TLN2: variants seen among roughly 807,000 people sequenced by gnomAD.
TLN2 encodes talin-2.
Under a neutral mutation model 294.7 loss-of-function variants are expected in TLN2, and 118 were observed. The ratio of observed to expected loss-of-function variants is 0.40; its 90% confidence interval spans 0.34 to 0.47. The LOEUF (loss-of-function observed/expected upper bound fraction) is 0.47, where lower values mean the gene tolerates loss of function less well. TLN2 is among the 20% of genes least tolerant of loss of function. The pLI, the probability that TLN2 is intolerant of heterozygous loss-of-function variation, is 0.84. For synonymous variants in TLN2, 1,431 were observed against 1,304.5 expected (o/e 1.10, Z -2.09); for missense variants, 3,083 against 3,282.2 (o/e 0.94, Z 1.48).
intron 32 of TLN2, among the ~76,000 whole-genome samples, chr15:62,745,850 C>T (rs1275358959): frequency 3.3e-5 from 5 of 152,254 alleles, no homozygotes; most frequent in East Asian, 1.9e-4. Context: ...CATGTAATCC[C>T]GACTGTAAAA....
At chr15:62,491,326 C>CAA (rs775626928) in intron 1 of TLN2, among the ~76,000 whole-genome samples, 9,563 of 96,942 alleles carry the variant, frequency 0.099, 426 homozygotes, top group East Asian at 0.15. Flanking sequence ...GACTCTGTCT[C>CAA]AAAAAAAAAA....
chr15:62,711,419 G>T (rs892507883), intron 21 of TLN2, among the ~76,000 whole-genome samples: 1 of 152,148 alleles, frequency 6.6e-6, no homozygotes, highest in Non-Finnish European at 1.5e-5. Context: ...AAGGCCAAAT[G>T]GCACACATTG....
At chr15:62,565,403 G>C (rs968505776) in intron 1 of TLN2, among the ~76,000 whole-genome samples, 4 of 152,082 alleles carry the variant, frequency 2.6e-5, no homozygotes, top group African/African-American at 9.7e-5. Flanking sequence ...TCTGAAATAT[G>C]ATCTATGACA....
intron 1 of TLN2, among the ~76,000 whole-genome samples, chr15:62,437,981 T>C (rs1235678751): frequency 1.3e-5 from 2 of 152,194 alleles, no homozygotes; most frequent in Non-Finnish European, 2.9e-5. Flanking sequence ...CCATCCCCTT[T>C]CCCACTCTCG....
chr15:62,827,178 G>A (rs940833586), intron 54 of TLN2, among the ~76,000 whole-genome samples: 2 of 152,152 alleles, frequency 1.3e-5, no homozygotes, highest in African/African-American at 4.8e-5. Flanking sequence ...GGGTTGCAGG[G>A]CATAAGAAAA....
intron 1 of TLN2, among the ~76,000 whole-genome samples, chr15:62,431,507 G>A (rs2035010369): frequency 1.3e-5 from 2 of 152,174 alleles, no homozygotes; most frequent in Admixed American, 6.5e-5. Context: ...AACAGGTAAC[G>A]GTAAATGTGA....
intron 1 of TLN2, among the ~76,000 whole-genome samples, chr15:62,397,999 C>A (rs2032696301): frequency 6.6e-6 from 1 of 152,178 alleles, no homozygotes; most frequent in African/African-American, 2.4e-5. Flanking sequence ...TTTAGAGGAA[C>A]TAGCTACCTC....
At chr15:62,834,263 A>G (rs7166956) in intron 55 of TLN2, 134,059 of 152,238 alleles carry the variant, frequency 0.88, 60,659 homozygotes, top group East Asian at 1. Flanking sequence ...CATGTTCCAT[A>G]TGTCTTGTTA....
At chr15:62,772,448 C>T (rs763002229) in intron 42 of TLN2, among the ~76,000 whole-genome samples, 5 of 152,002 alleles carry the variant, frequency 3.3e-5, no homozygotes, top group African/African-American at 9.7e-5. Context: ...CTTTTGACTG[C>T]GATGGAGAAA....
At chr15:62,622,905 C>G (rs1295092635) in intron 3 of TLN2, among the ~76,000 whole-genome samples, 2 of 152,296 alleles carry the variant, frequency 1.3e-5, no homozygotes, top group East Asian at 3.9e-4. Context: ...ACATAACATC[C>G]ATCACTGCCC....
intron 1 of TLN2, among the ~76,000 whole-genome samples, chr15:62,404,172 T>C (rs1172302190): frequency 6.6e-6 from 1 of 152,112 alleles, no homozygotes; most frequent in African/African-American, 2.4e-5. Flanking sequence ...TGTTGAGAGT[T>C]AGGGGTTCAA....
At chr15:62,636,319 G>A (rs962234585) in intron 3 of TLN2, among the ~76,000 whole-genome samples, 18 of 151,950 alleles carry the variant, frequency 1.2e-4, no homozygotes, top group African/African-American at 4.1e-4. Flanking sequence ...GGTATAAAAT[G>A]GGGGTGACCT....
chr15:62,821,728 G>A (rs2067586548), intron 54 of TLN2, among the ~76,000 whole-genome samples: 2 of 152,128 alleles, frequency 1.3e-5, no homozygotes, highest in African/African-American at 4.8e-5. Context: ...GGTTTACCAG[G>A]GCTCTCTCTG....
chr15:62,644,365 C>A (rs1004522131), intron 3 of TLN2, among the ~76,000 whole-genome samples: 1 of 152,084 alleles, frequency 6.6e-6, no homozygotes, highest in African/African-American at 2.4e-5. Context: ...TCTCGTCTGC[C>A]AATTCAGAAT....
At chr15:62,486,196 C>G (rs990454321) in intron 1 of TLN2, among the ~76,000 whole-genome samples, 13 of 152,262 alleles carry the variant, frequency 8.5e-5, no homozygotes, top group Admixed American at 7.8e-4. Context: ...CAAGGACATT[C>G]CTTTTCTTCT....
chr15:62,448,416 G>C (rs543137943), intron 1 of TLN2, among the ~76,000 whole-genome samples: 2 of 152,228 alleles, frequency 1.3e-5, no homozygotes, highest in Non-Finnish European at 2.9e-5. Context: ...AGTTAGGCTT[G>C]TACTGGGCAG....
At chr15:62,451,016 C>T (rs1475834041) in intron 1 of TLN2, among the ~76,000 whole-genome samples, 1 of 150,892 alleles carries the variant, frequency 6.6e-6, no homozygotes, top group African/African-American at 2.5e-5. Context: ...TGCTATGTTG[C>T]CCAGGCTGGT....
At chr15:62,775,434 A>C (rs565346999) in intron 42 of TLN2, among the ~76,000 whole-genome samples, 1 of 152,170 alleles carries the variant, frequency 6.6e-6, no homozygotes, top group African/African-American at 2.4e-5. Context: ...TCAGCTATCA[A>C]CCCAAATTAC....
In TLN2 at chr15:62,755,740, C is replaced by T. The variant is rs941351294; in HGVS notation, c.4638+47C>T. On this transcript the variant is annotated intron_variant, in intron 37 of 58. Coordinates refer to ENST00000636159, the MANE Select transcript of TLN2 (RefSeq NM_015059.3). ...CTTATTGAACTCTGTAACTCCTGTTCTGGCGGGGGAAGGGGAACAAGATTT... is the reference window on the plus strand; with the variant it reads ...CTTATTGAACTCTGTAACTCCTGTTTTGGCGGGGGAAGGGGAACAAGATTT... 3.7e-6 allele frequency: 6 copies of T among 1,604,702 alleles called. No homozygotes were observed. In the African/African-American group the frequency reaches 5.4e-5, roughly 14 times the overall value.
Sources: allele counts gnomAD v4.1 joint callset (sites outside exome capture counted in the v4.1 genomes callset), GRCh38; gene constraint gnomAD v4.1.1; transcripts MANE v1.5; gene names NCBI Gene and HGNC (gene_info 2026-07-23, HGNC 2026-07-21).